IL4: variants seen among roughly 807,000 people sequenced by gnomAD.
The protein encoded by IL4 is interleukin 4.
IL4 carries 10 observed loss-of-function variants against 17.4 expected under a neutral mutation model. That is an observed-to-expected ratio of 0.57 (90% CI 0.35 to 0.97). The LOEUF is 0.97. Ranked by LOEUF, IL4 falls within the 50% of genes least tolerant of loss-of-function variation. The pLI, the probability that IL4 is intolerant of heterozygous loss-of-function variation, is 0.01. For missense variants in IL4, 174 were observed against 187.7 expected (o/e 0.93, Z 0.43); for synonymous variants, 87 against 79.0 (o/e 1.10, Z -0.54).
rs2243290 is a variant in IL4 at position 132,682,477 on chromosome 5, C to A, written c.361-9C>A. 0.19 allele frequency: 291,426 copies of A among 1,546,350 alleles called. 40,101 individuals are homozygous for A. The highest frequency in any genetic ancestry group is 0.74 in the East Asian group (33,073 of 44,488). ...ACCAATGCAAGCTAATGAAATGTTT[C>A]TTTTGCAGAATTCCTGTCCTGTGAA... On this transcript the variant is annotated splice_polypyrimidine_tract_variant and intron_variant, in intron 3 of 3. Transcript: ENST00000231449.
At chr5:132,675,948 T>TGTGC (rs1399423801) in intron 2 of IL4, among the ~76,000 whole-genome samples, 4 of 151,542 alleles carry the variant, frequency 2.6e-5, no homozygotes, top group African/African-American at 9.7e-5. Context: ...TGTGTGTGTG[T>TGTGC]GTGTGTGTAT....
At chr5:132,678,499 A>G (rs1752425341) in intron 2 of IL4, among the ~76,000 whole-genome samples, 1 of 152,180 alleles carries the variant, frequency 6.6e-6, no homozygotes, top group African/African-American at 2.4e-5. Context: ...TGTTATCTTG[A>G]TCATCAGAAA....
At chr5:132,675,453 T>A (rs903801180) in intron 2 of IL4, among the ~76,000 whole-genome samples, 7 of 142,902 alleles carry the variant, frequency 4.9e-5, no homozygotes, top group Admixed American at 4.9e-4. Flanking sequence ...TCCTGCTTCA[T>A]GAGGGAAACT....
At chr5:132,678,346 A>G (rs552617080) in intron 2 of IL4, among the ~76,000 whole-genome samples, 28 of 152,380 alleles carry the variant, frequency 1.8e-4, no homozygotes, top group African/African-American at 6.7e-4. Context: ...ACAAAACAGT[A>G]TCAACAGTTG....
At chr5:132,676,122 G>A (rs1053498405) in intron 2 of IL4, among the ~76,000 whole-genome samples, 2 of 152,114 alleles carry the variant, frequency 1.3e-5, no homozygotes, top group Admixed American at 6.5e-5. Context: ...AAGGGTGAGG[G>A]CTGAGGGCCT....
At position 132,674,958 on chromosome 5, in the gene IL4, G is replaced by A. The variant is rs564189948; in HGVS notation, c.183+452G>A. 3.3e-5 allele frequency among the ~76,000 whole-genome samples: 5 copies of A among 152,278 alleles called. No homozygotes were observed. The South Asian group carries it at 6.2e-4, about 19-fold the overall frequency. On this transcript the variant is annotated intron_variant, in intron 2 of 3. Transcript: ENST00000231449. The stretch of plus-strand genomic sequence containing the variant: ...TTCCTATGGCAACAGAAAAGGTATC[G>A]CCAGAGCCCCTCCTCTTCCACAGCC...
At chr5:132,678,495 C>A (rs897917063) in intron 2 of IL4, among the ~76,000 whole-genome samples, 4 of 152,090 alleles carry the variant, frequency 2.6e-5, no homozygotes, top group Admixed American at 6.5e-5. Flanking sequence ...TATATGTTAT[C>A]TTGATCATCA....
intron 2 of IL4, 87 bp from the exon 3 acceptor site, chr5:132,679,627 T>A (rs1205349038): frequency 8.1e-6 from 10 of 1,230,958 alleles, no homozygotes. Flanking sequence ...TTTGTCCTCC[T>A]GGAAAGAAGA....
chr5:132,676,198 AG>A (rs759875161), intron 2 of IL4, among the ~76,000 whole-genome samples: 7 of 152,306 alleles, frequency 4.6e-5, no homozygotes, highest in South Asian at 4.1e-4. Flanking sequence ...GCTGGCCTTC[AG>A]CACATCTTCA....
intron 2 of IL4, 106 bp downstream of exon 2, chr5:132,674,612 T>C: frequency 1.2e-6 from 1 of 865,154 alleles, no homozygotes; most frequent in African/African-American, 1.7e-5. Flanking sequence ...AAATTAACTC[T>C]AAGGTGTTAG....
chr5:132,679,600 G>A, intron 2 of IL4, 114 bp from the exon 3 acceptor site: 1 of 914,434 alleles, frequency 1.1e-6, no homozygotes, highest in Non-Finnish European at 1.7e-6. Flanking sequence ...GTCTGTAGTT[G>A]AGCAAACTCA....
At chr5:132,681,142 A>G (rs1047569249) in intron 3 of IL4, among the ~76,000 whole-genome samples, 1 of 152,208 alleles carries the variant, frequency 6.6e-6, no homozygotes, top group African/African-American at 2.4e-5. Context: ...TTAGATAGAT[A>G]CTGCTGAAAA....
At position 132,679,616 on chromosome 5, in the gene IL4, A is replaced by G. The variant is rs1752445516; in HGVS notation, c.184-98A>G. ...TCTGTAGTTGAGCAAACTCACCTCCATTTGTCCTCCTGGAAAGAAGAAATC... is the reference window on the plus strand; with the variant it reads ...TCTGTAGTTGAGCAAACTCACCTCCGTTTGTCCTCCTGGAAAGAAGAAATC... On this transcript the variant is annotated intron_variant, in intron 2 of 3. Coordinates refer to ENST00000231449, the MANE Select transcript of IL4 (RefSeq NM_000589.4). 3 of 1,103,008 alleles carry G rather than the reference A, an allele frequency of 2.7e-6. No homozygotes were observed. In the South Asian group the frequency reaches 4.5e-5, roughly 17 times the overall value. 68.3% of individuals were successfully genotyped at this position (1,103,008 alleles called of 1,614,324 possible).
intron 3 of IL4, among the ~76,000 whole-genome samples, 158 bp from the exon 4 acceptor site, chr5:132,682,328 G>T (rs761161343): frequency 5.3e-5 from 8 of 152,080 alleles, no homozygotes; most frequent in Non-Finnish European, 7.3e-5. Context: ...GGCAAAACCT[G>T]CTGGCCTAGT....
At chr5:132,681,714 A>G (rs1190304328) in intron 3 of IL4, among the ~76,000 whole-genome samples, 2 of 152,184 alleles carry the variant, frequency 1.3e-5, no homozygotes, top group Non-Finnish European at 2.9e-5. Context: ...CTTGTAGCCC[A>G]GAGTGGATGT....
At chr5:132,674,224 G>A (rs1260430937) in intron 1 of IL4, 39 bp downstream of exon 1, 2 of 1,604,750 alleles carry the variant, frequency 1.2e-6, no homozygotes, top group East Asian at 4.5e-5. Context: ...AGATGTTCTG[G>A]TGATGCTCTC....
chr5:132,681,225 C>A (rs1358603173), intron 3 of IL4, among the ~76,000 whole-genome samples: 1 of 152,086 alleles, frequency 6.6e-6, no homozygotes, highest in Non-Finnish European at 1.5e-5. Context: ...AGAGGAGGAT[C>A]CAGCCAAGGG....
intron 2 of IL4, among the ~76,000 whole-genome samples, 169 bp from the exon 3 acceptor site, chr5:132,679,545 T>TG (rs1752444146): frequency 6.6e-6 from 1 of 152,198 alleles, no homozygotes; most frequent in African/African-American, 2.4e-5. Context: ...CAGAGGTTTA[T>TG]GTCTGTGGCA....
At chr5:132,676,083 GC>G (rs1269714089) in intron 2 of IL4, among the ~76,000 whole-genome samples, 1 of 151,962 alleles carries the variant, frequency 6.6e-6, no homozygotes, top group African/African-American at 2.4e-5. Context: ...CAAGGGAAGG[GC>G]CACCTCACTA....
Sources: gnomAD v4.1 joint callset for allele counts (sites outside exome capture counted in the v4.1 genomes callset) on GRCh38, gnomAD v4.1.1 for gene constraint, MANE v1.5 for transcripts, NCBI Gene and HGNC (gene_info 2026-07-23, HGNC 2026-07-21) for gene names.